Variants in THNSL1 observed in about 807,000 individuals in gnomAD.
THNSL1 encodes threonine synthase like 1, also known as threonine synthase-like 1.
In THNSL1, 48 loss-of-function variants were observed where a neutral mutation model predicts 50.4. The observed-to-expected ratio is 0.95, with a 90% CI of 0.76 to 1.21. The LOEUF is 1.21. Ranked by LOEUF, THNSL1 falls within the 50% of genes most tolerant of loss-of-function variation. The pLI, the probability that THNSL1 is intolerant of heterozygous loss-of-function variation, is 0.00. For missense variants in THNSL1, 896 were observed against 871.7 expected (o/e 1.03, Z -0.35); for synonymous variants, 309 against 306.1 (o/e 1.01, Z -0.10).
the THNSL1 span, among the ~76,000 whole-genome samples, chr10:24,964,371 G>A: frequency 7.7e-3 from 1,177 of 152,306 alleles, 4 homozygotes; most frequent in Non-Finnish European, 0.011. Context: ...TGGGAATAAC[G>A]AGAGAAAAGT....
At chr10:24,970,746 G>T in the THNSL1 span, among the ~76,000 whole-genome samples, 1 of 150,454 alleles carries the variant, frequency 6.6e-6, no homozygotes, top group East Asian at 2.0e-4. Flanking sequence ...GTTTGGGGCC[G>T]GGCACGATGG....
chr10:25,003,801 G>C, the THNSL1 span, among the ~76,000 whole-genome samples: 4 of 152,130 alleles, frequency 2.6e-5, no homozygotes, highest in South Asian at 6.2e-4. Flanking sequence ...CTCATTACTT[G>C]TTTTTCCTGA....
chr10:24,956,387 A>G, the THNSL1 span, among the ~76,000 whole-genome samples: 1 of 152,126 alleles, frequency 6.6e-6, no homozygotes, highest in Non-Finnish European at 1.5e-5. Flanking sequence ...TTGCAAAGTT[A>G]ATAACCAGTC....
Position 25,021,758 on chromosome 10 carries a change from A to C in THNSL1, c.-199A>C, listed in dbSNP as rs915401791. On this transcript the variant is annotated 5_prime_UTR_variant, in exon 2 of 3. Transcript: ENST00000376356. ...CCATTATAGACTCCACGTTTTGCAA[A>C]GATCGGTTTTGCCTCAGAGTCAACA... The C allele has an allele frequency of 6.6e-6, 1 of 152,170 alleles. No individual in the cohort carries two copies. Among genetic ancestry groups the C allele is most frequent in the African/African-American group, 2.4e-5 (1 of 41,434 alleles). The allele number at this position is 152,170 out of a possible 1,614,324, so 9.4% of individuals were successfully genotyped here.
chr10:25,012,210 C>G (rs376623846), upstream of THNSL1, among the ~76,000 whole-genome samples: 15 of 151,550 alleles, frequency 9.9e-5, no homozygotes, highest in African/African-American at 3.7e-4. Context: ...GTCTGGATGT[C>G]TAGGCAAAGA....
the THNSL1 span, among the ~76,000 whole-genome samples, chr10:24,958,682 T>C: frequency 6.6e-6 from 1 of 152,240 alleles, no homozygotes; most frequent in African/African-American, 2.4e-5. Flanking sequence ...CTACACTCAA[T>C]TGTGTTTTGT....
Position 25,025,180 on chromosome 10 carries a change from G to A in THNSL1, c.1957G>A (p.Val653Met). ...TAVAKVVADRVQDKTCPVIIS... is the reference protein window; with the variant it reads ...TAVAKVVADRMQDKTCPVIIS... ...TGTTGCAAAAGTGGTTGCAGATAGG[G>A]TGCAAGACAAAACTTGCCCTGTGAT... The change falls in exon 3 of 3, where the codon GTG becomes ATG. Residue 653 changes from valine (V) to methionine (M), a missense_variant. Val to Met is a conservative substitution (Grantham distance 21). Transcript: ENST00000376356. 6.2e-7 allele frequency: 1 copy of A among 1,614,138 alleles called. No individual in the cohort carries two copies. Among genetic ancestry groups the A allele is most frequent in the Non-Finnish European group, 8.5e-7 (1 of 1,180,032 alleles).
At chr10:24,979,762 G>A in the THNSL1 span, among the ~76,000 whole-genome samples, 4 of 151,930 alleles carry the variant, frequency 2.6e-5, no homozygotes, top group Non-Finnish European at 2.9e-5. Flanking sequence ...TTTCCAACTA[G>A]ATGCCACAAT....
the THNSL1 span, chr10:24,984,692 T>G: frequency 5.3e-6 from 8 of 1,520,966 alleles, no homozygotes; most frequent in East Asian, 1.8e-4. Flanking sequence ...CCATGTTTTT[T>G]TCCCCTACAT....
At chr10:24,965,158 A>G in the THNSL1 span, among the ~76,000 whole-genome samples, 1 of 152,114 alleles carries the variant, frequency 6.6e-6, no homozygotes, top group Admixed American at 6.6e-5. Flanking sequence ...CCAACCCTGA[A>G]ATCTACCATG....
the THNSL1 span, among the ~76,000 whole-genome samples, chr10:24,991,684 C>T: frequency 6.6e-6 from 1 of 152,156 alleles, no homozygotes; most frequent in Non-Finnish European, 1.5e-5. Context: ...TCAATAAAAC[C>T]TTGCACTCAT....
At chr10:24,999,977 CTT>C in the THNSL1 span, among the ~76,000 whole-genome samples, 1 of 152,038 alleles carries the variant, frequency 6.6e-6, no homozygotes, top group South Asian at 2.1e-4. Context: ...CTGTGCTTAT[CTT>C]TATTATTTCT....
chr10:24,970,171 T>C, the THNSL1 span, among the ~76,000 whole-genome samples: 1 of 152,228 alleles, frequency 6.6e-6, no homozygotes, highest in Non-Finnish European at 1.5e-5. Context: ...TCCCATAGGA[T>C]GGGCTGCATA....
the THNSL1 span, among the ~76,000 whole-genome samples, chr10:25,010,906 C>T: frequency 1.5e-4 from 23 of 148,832 alleles, no homozygotes; most frequent in South Asian, 4.3e-4. Flanking sequence ...AATAAACATA[C>T]GTGTGCATGT....
the THNSL1 span, among the ~76,000 whole-genome samples, chr10:25,008,252 A>C: frequency 5.9e-5 from 9 of 152,254 alleles, no homozygotes; most frequent in African/African-American, 2.2e-4. Context: ...GACAAACAAA[A>C]AGAGACTTTG....
intron 1 of THNSL1, among the ~76,000 whole-genome samples, chr10:25,019,517 CACAA>C (rs1307540514): frequency 3.9e-5 from 6 of 152,214 alleles, no homozygotes; most frequent in African/African-American, 1.2e-4. Context: ...GTAAAAATAC[CACAA>C]ACAAAAAAGC....
the THNSL1 span, chr10:24,984,132 T>G: frequency 2.4e-6 from 1 of 420,170 alleles, no homozygotes; most frequent in Non-Finnish European, 4.2e-6. Context: ...TTTTGTAAGT[T>G]GTCTTCTTAA....
At position 25,024,540 on chromosome 10, in the gene THNSL1, T is replaced by G; in HGVS notation, c.1317T>G (p.Phe439Leu). The G allele has an allele frequency of 6.2e-7, 1 of 1,614,216 alleles. No homozygotes were observed. Among genetic ancestry groups the G allele is most frequent in the Non-Finnish European group, 8.5e-7 (1 of 1,180,026 alleles). ...WAVGVESDFDFCQTAIKRIFN... is the reference protein window; with the variant it reads ...WAVGVESDFDLCQTAIKRIFN... ...TGGGTGTTGAGTCAGATTTTGATTT[T>G]TGCCAGACAGCTATAAAAAGAATTT... The change falls in exon 3 of 3, where the codon TTT becomes TTG. Residue 439 changes from phenylalanine (F) to leucine (L), a missense_variant. Coordinates refer to ENST00000376356, the MANE Select transcript of THNSL1 (RefSeq NM_024838.5).
chr10:24,960,737 G>A, the THNSL1 span, among the ~76,000 whole-genome samples: 1 of 151,128 alleles, frequency 6.6e-6, no homozygotes, highest in African/African-American at 2.5e-5. Flanking sequence ...CAGGCATGAG[G>A]CACTGCACCC....
Sources: allele counts gnomAD v4.1 joint callset (sites outside exome capture counted in the v4.1 genomes callset), GRCh38; gene constraint gnomAD v4.1.1; transcripts MANE v1.5; gene names NCBI Gene and HGNC (gene_info 2026-07-23, HGNC 2026-07-21).